The following CEP76 variants were observed in gnomAD, a reference collection of about 807,000 sequenced individuals.
CEP76 encodes centrosomal protein of 76 kDa.
Under a neutral mutation model 83.3 loss-of-function variants are expected in CEP76, and 55 were observed. The observed-to-expected ratio is 0.66, with a 90% CI of 0.53 to 0.83. CEP76 has a LOEUF of 0.83. Among genes scored for constraint, CEP76 ranks in the 40% least tolerant of loss-of-function variants. The pLI is 0.00. For synonymous variants in CEP76, 270 were observed against 274.5 expected, an observed-to-expected ratio of 0.98 and a Z score of 0.16; for missense variants, 694 against 799.5, an observed-to-expected ratio of 0.87 and a Z score of 1.59.
intron 10 of CEP76, 116 bp from the exon 11 acceptor site, chr18:12,674,869 A>G (rs1446035348): frequency 1.3e-5 from 7 of 557,590 alleles, no homozygotes; most frequent in East Asian, 6.1e-5. Context: ...AAAAGCTATC[A>G]TAATATTTTA....
chr18:12,686,475 G>A (rs768110607), intron 7 of CEP76, 25 bp from the exon 8 acceptor site: 2 of 1,505,314 alleles, frequency 1.3e-6, no homozygotes, highest in African/African-American at 1.4e-5. Context: ...AAAAACATCT[G>A]TAATGACATA....
chr18:12,662,429 C>CA (rs1227212155), intron 12 of CEP76, among the ~76,000 whole-genome samples: 1 of 152,196 alleles, frequency 6.6e-6, no homozygotes, highest in African/African-American at 2.4e-5. Context: ...TCCTGACCAG[C>CA]TCAGCTCTTT....
chr18:12,696,878 T>C (rs932817403), intron 5 of CEP76, among the ~76,000 whole-genome samples: 4 of 152,222 alleles, frequency 2.6e-5, no homozygotes, highest in Admixed American at 6.5e-5. Context: ...GTGTGATGAC[T>C]GGACACACAT....
At chr18:12,702,086 A>G (rs998710239) in intron 1 of CEP76, among the ~76,000 whole-genome samples, 1 of 152,212 alleles carries the variant, frequency 6.6e-6, no homozygotes, top group Admixed American at 6.5e-5. Context: ...AGATCGTGCC[A>G]CTGCACTCCA....
At chr18:12,666,153 C>CAAA (rs35334528) in intron 12 of CEP76, among the ~76,000 whole-genome samples, 2 of 116,890 alleles carry the variant, frequency 1.7e-5, no homozygotes, top group African/African-American at 3.4e-5. Flanking sequence ...CTCATCTCTA[C>CAAA]AAAAAAAAAA....
chr18:12,671,268 T>C (rs1452899463), downstream of CEP76: 1 of 152,132 alleles, frequency 6.6e-6, no homozygotes, highest in Non-Finnish European at 1.5e-5. Flanking sequence ...TAAGACACTT[T>C]TAGATTTTAA....
intron 8 of CEP76, among the ~76,000 whole-genome samples, chr18:12,682,360 T>C (rs998034424): frequency 1.3e-5 from 2 of 152,022 alleles, no homozygotes; most frequent in Non-Finnish European, 2.9e-5. Context: ...CAGCTATTTT[T>C]TGTGTTTTTG....
intron 9 of CEP76, among the ~76,000 whole-genome samples, chr18:12,679,480 G>A (rs1359586527): frequency 6.6e-6 from 1 of 152,150 alleles, no homozygotes; most frequent in Non-Finnish European, 1.5e-5. Context: ...CCGTTTCCCA[G>A]TGTTTTTCCT....
At chr18:12,696,079 T>C (rs1268039038) in intron 5 of CEP76, among the ~76,000 whole-genome samples, 4 of 152,224 alleles carry the variant, frequency 2.6e-5, no homozygotes, top group African/African-American at 9.6e-5. Flanking sequence ...AGGTCACTGC[T>C]ACGATTATCA....
At chr18:12,698,359 G>A (rs2040034825) in intron 4 of CEP76, among the ~76,000 whole-genome samples, 1 of 152,088 alleles carries the variant, frequency 6.6e-6, no homozygotes, top group South Asian at 2.1e-4. Context: ...AGTAGAGACA[G>A]GGTTTCGACA....
At chr18:12,698,480 T>C (rs1018404196) in intron 4 of CEP76, among the ~76,000 whole-genome samples, 2 of 152,140 alleles carry the variant, frequency 1.3e-5, no homozygotes, top group Non-Finnish European at 2.9e-5. Context: ...ATTTTTTATT[T>C]TTTGTAGAGA....
In CEP76 at chr18:12,672,633, C is replaced by T. The variant is rs2038977382; in HGVS notation, c.*732G>A. Reference sequence around the variant, plus strand: ...CCTCTGACCACAGAAAATCAGTGATCGACTGCAAGATCACAATTTATCAGT... The same window carrying T: ...CCTCTGACCACAGAAAATCAGTGATTGACTGCAAGATCACAATTTATCAGT... On this transcript the variant is annotated 3_prime_UTR_variant, in exon 12 of 12. Transcript: ENST00000262127. The T allele has an allele frequency of 1.0e-6, 1 of 981,196 alleles. No homozygotes were observed. Among genetic ancestry groups the T allele is most frequent in the Non-Finnish European group, 1.2e-6 (1 of 826,156 alleles). 60.8% of individuals were successfully genotyped at this position (981,196 alleles called of 1,614,324 possible).
At chr18:12,699,647 C>T (rs572781540) in intron 3 of CEP76, among the ~76,000 whole-genome samples, 183 bp downstream of exon 3, 3 of 152,130 alleles carry the variant, frequency 2.0e-5, no homozygotes, top group Admixed American at 1.3e-4. Context: ...TTGCTTCTAC[C>T]GTGCTATACA....
chr18:12,667,075 C>A (rs1327361687), intron 12 of CEP76, among the ~76,000 whole-genome samples: 2 of 151,718 alleles, frequency 1.3e-5, no homozygotes, highest in Non-Finnish European at 2.9e-5. Context: ...AAAGCAAACA[C>A]TAAAAAACCC....
At chr18:12,683,919 A>G (rs1198787199) in intron 8 of CEP76, among the ~76,000 whole-genome samples, 1 of 151,612 alleles carries the variant, frequency 6.6e-6, no homozygotes, top group Non-Finnish European at 1.5e-5. Flanking sequence ...ATAAACTAGG[A>G]ATAGAATTAT....
At chr18:12,666,380 C>T (rs990045149) in intron 12 of CEP76, among the ~76,000 whole-genome samples, 17 of 150,602 alleles carry the variant, frequency 1.1e-4, no homozygotes, top group African/African-American at 3.9e-4. Flanking sequence ...GGTCATTCTT[C>T]AACTGTGATA....
At chr18:12,668,897 TG>T (rs2038867489), downstream of CEP76, among the ~76,000 whole-genome samples, 1 of 151,224 alleles carries the variant, frequency 6.6e-6, no homozygotes, top group African/African-American at 2.4e-5. Flanking sequence ...TGGGCTACTA[TG>T]CCTGGCTAAT....
chr18:12,696,466 G>A (rs1257240549), intron 5 of CEP76, among the ~76,000 whole-genome samples: 1 of 152,014 alleles, frequency 6.6e-6, no homozygotes, highest in Non-Finnish European at 1.5e-5. Context: ...TTGCAGCACT[G>A]CACTCCAGCC....
At chr18:12,680,045 G>A (rs1475447478) in intron 9 of CEP76, among the ~76,000 whole-genome samples, 4 of 138,190 alleles carry the variant, frequency 2.9e-5, no homozygotes, top group African/African-American at 8.0e-5. Flanking sequence ...AACAGAATGA[G>A]ACACTGCAAA....
Sources: allele counts gnomAD v4.1 joint callset (sites outside exome capture counted in the v4.1 genomes callset), GRCh38; gene constraint gnomAD v4.1.1; transcripts MANE v1.5; gene names NCBI Gene and HGNC (gene_info 2026-07-23, HGNC 2026-07-21).